The following NCKAP5 variants were observed in gnomAD, a reference collection of about 807,000 sequenced individuals.
NCKAP5 encodes NCK associated protein 5.
Under a neutral mutation model 167.0 loss-of-function variants are expected in NCKAP5, and 92 were observed. That is an observed-to-expected ratio of 0.55 (90% CI 0.47 to 0.66). The LOEUF (loss-of-function observed/expected upper bound fraction) is 0.66, where lower values mean the gene tolerates loss of function less well. Ranked by LOEUF, NCKAP5 falls within the 30% of genes least tolerant of loss-of-function variation. The pLI is 0.00. For missense variants in NCKAP5, 2,378 were observed against 2,315.0 expected, an observed-to-expected ratio of 1.03 and a Z score of -0.56; for synonymous variants, 891 against 877.4, an observed-to-expected ratio of 1.02 and a Z score of -0.27.
At chr2:132,855,200 C>T (rs944647141) in intron 11 of NCKAP5, among the ~76,000 whole-genome samples, 3 of 152,158 alleles carry the variant, frequency 2.0e-5, no homozygotes, top group Non-Finnish European at 4.4e-5. Context: ...ACTTTCTGCA[C>T]GTCTGGCAGG....
At chr2:133,577,225 C>T in the NCKAP5 span, among the ~76,000 whole-genome samples, 1 of 152,098 alleles carries the variant, frequency 6.6e-6, no homozygotes, top group Non-Finnish European at 1.5e-5. Flanking sequence ...AATGCACCAC[C>T]CCTGTGGTGA....
At chr2:133,180,274 G>A (rs1363778110) in intron 5 of NCKAP5, among the ~76,000 whole-genome samples, 1 of 152,056 alleles carries the variant, frequency 6.6e-6, no homozygotes, top group Non-Finnish European at 1.5e-5. Context: ...GAAAACTCAA[G>A]AAAATCTGTT....
chr2:132,741,677 T>G (rs1679206071), intron 16 of NCKAP5, among the ~76,000 whole-genome samples: 1 of 152,132 alleles, frequency 6.6e-6, no homozygotes. Flanking sequence ...AAAAACAAAC[T>G]TACTTTAATT....
intron 6 of NCKAP5, among the ~76,000 whole-genome samples, chr2:133,066,111 C>T (rs1317875459): frequency 2.6e-5 from 4 of 152,112 alleles, no homozygotes; most frequent in African/African-American, 9.7e-5. Flanking sequence ...ATAATTACAA[C>T]TGAAGGAAGC....
At chr2:132,872,094 A>C (rs1475602280) in intron 9 of NCKAP5, among the ~76,000 whole-genome samples, 2 of 152,108 alleles carry the variant, frequency 1.3e-5, no homozygotes, top group African/African-American at 4.8e-5. Context: ...TCCTCTCCAG[A>C]GAAAGGGCAG....
intron 7 of NCKAP5, among the ~76,000 whole-genome samples, chr2:132,993,394 GTCCTGCT>G (rs2077500803): frequency 6.6e-6 from 1 of 152,110 alleles, no homozygotes; most frequent in Admixed American, 6.6e-5. Context: ...CAGATTAGAT[GTCCTGCT>G]TCCTGGCCTG....
At chr2:133,369,894 T>C (rs985655668) in intron 3 of NCKAP5, among the ~76,000 whole-genome samples, 4 of 152,228 alleles carry the variant, frequency 2.6e-5, no homozygotes, top group Non-Finnish European at 5.9e-5. Context: ...TTTTAAGAAA[T>C]GATTTATCTT....
intron 7 of NCKAP5, among the ~76,000 whole-genome samples, chr2:132,992,293 T>G (rs529418965): frequency 6.6e-6 from 1 of 152,340 alleles, no homozygotes; most frequent in African/African-American, 2.4e-5. Flanking sequence ...AACACGTTTC[T>G]TAAAGCATAT....
At chr2:133,647,166 T>C in the NCKAP5 span, among the ~76,000 whole-genome samples, 2 of 151,612 alleles carry the variant, frequency 1.3e-5, no homozygotes, top group African/African-American at 4.8e-5. Context: ...GCAAGACCCC[T>C]CTTCTACAAA....
intron 11 of NCKAP5, among the ~76,000 whole-genome samples, chr2:132,817,912 C>T (rs530067418): frequency 6.6e-6 from 1 of 152,288 alleles, no homozygotes; most frequent in African/African-American, 2.4e-5. Flanking sequence ...TCAAATTTAT[C>T]CAAATATTTT....
intron 3 of NCKAP5, among the ~76,000 whole-genome samples, chr2:133,317,756 T>C (rs1681720136): frequency 1.3e-5 from 2 of 152,190 alleles, no homozygotes; most frequent in Non-Finnish European, 1.5e-5. Context: ...GACTGGTTAA[T>C]TGGTATTTCA....
intron 8 of NCKAP5, among the ~76,000 whole-genome samples, chr2:132,906,614 C>G (rs1345562661): frequency 7.2e-5 from 11 of 152,152 alleles, no homozygotes; most frequent in Admixed American, 7.2e-4. Flanking sequence ...AGAGCCCAAC[C>G]TTGCTTAGTT....
At chr2:133,452,057 TC>T (rs1691582899) in intron 3 of NCKAP5, among the ~76,000 whole-genome samples, 1 of 152,018 alleles carries the variant, frequency 6.6e-6, no homozygotes, top group Admixed American at 6.6e-5. Flanking sequence ...AGCAAATGAG[TC>T]CCCTGAAACA....
At chr2:133,106,361 G>C (rs2081700383) in intron 6 of NCKAP5, among the ~76,000 whole-genome samples, 1 of 151,816 alleles carries the variant, frequency 6.6e-6, no homozygotes, top group Non-Finnish European at 1.5e-5. Flanking sequence ...CATTAAGTGT[G>C]GGCTATGCCA....
chr2:132,743,299 C>T (rs1055530086), intron 16 of NCKAP5, among the ~76,000 whole-genome samples: 1 of 151,642 alleles, frequency 6.6e-6, no homozygotes, highest in Middle Eastern at 3.2e-3. Flanking sequence ...CTAAAATTTG[C>T]AGGGCAGATG....
intron 19 of NCKAP5, among the ~76,000 whole-genome samples, chr2:132,714,653 A>G (rs1480753947): frequency 6.6e-6 from 1 of 151,898 alleles, no homozygotes; most frequent in Non-Finnish European, 1.5e-5. Context: ...CCCCATCTCT[A>G]CTAAAAATAC....
intron 4 of NCKAP5, among the ~76,000 whole-genome samples, chr2:133,232,207 G>A (rs939905587): frequency 6.6e-6 from 1 of 152,132 alleles, no homozygotes; most frequent in Non-Finnish European, 1.5e-5. Flanking sequence ...CAGTGAGTCT[G>A]TAGTTTCAGC....
the NCKAP5 span, among the ~76,000 whole-genome samples, chr2:133,659,469 C>A: frequency 2.6e-5 from 4 of 152,036 alleles, no homozygotes; most frequent in Non-Finnish European, 5.9e-5. Flanking sequence ...AACAAAAACA[C>A]AAGCAACAAA....
the NCKAP5 span, among the ~76,000 whole-genome samples, chr2:133,618,904 C>A: frequency 6.9e-6 from 1 of 144,866 alleles, no homozygotes. Flanking sequence ...TGGAACCAAC[C>A]CAAATGTCCA....
Sources: gnomAD v4.1 joint callset for allele counts (sites outside exome capture counted in the v4.1 genomes callset) on GRCh38, gnomAD v4.1.1 for gene constraint, MANE v1.5 for transcripts, NCBI Gene and HGNC (gene_info 2026-07-23, HGNC 2026-07-21) for gene names.